The following CCDC138 variants were observed in gnomAD, a reference collection of about 807,000 sequenced individuals.
The protein encoded by CCDC138 is coiled-coil domain containing 138, also known as coiled-coil domain-containing protein 138.
CCDC138 carries 66 observed loss-of-function variants against 82.3 expected under a neutral mutation model. The observed-to-expected ratio is 0.80, with a 90% CI of 0.66 to 0.98. CCDC138 has a LOEUF of 0.98. CCDC138 is among the 50% of genes least tolerant of loss of function. CCDC138 has a pLI of 0.00. For synonymous variants in CCDC138, 297 were observed against 265.4 expected (o/e 1.12, Z -1.16); for missense variants, 816 against 758.9 (o/e 1.08, Z -0.88).
At chr2:108,806,219 T>C (rs975926558) in intron 7 of CCDC138, among the ~76,000 whole-genome samples, 13 of 152,206 alleles carry the variant, frequency 8.5e-5, no homozygotes, top group African/African-American at 2.7e-4. Context: ...TCCCACTTTA[T>C]CCATGGAGAG....
At chr2:108,866,028 G>A (rs1002209697) in intron 13 of CCDC138, among the ~76,000 whole-genome samples, 3 of 152,166 alleles carry the variant, frequency 2.0e-5, no homozygotes, top group Non-Finnish European at 4.4e-5. Flanking sequence ...TTATGGAGCT[G>A]TGCAAGAGGA....
chr2:108,788,889 A>G lies in CCDC138; in HGVS notation c.189A>G (p.Ser63=). The change falls in exon 3 of 15, where the codon TCA becomes TCG. Residue 63 remains serine, a synonymous_variant. Coordinates refer to ENST00000295124, the MANE Select transcript of CCDC138 (RefSeq NM_144978.3). ...LDIYSGDKVG[S]SLKYSDESKH... is the part of the protein sequence containing the mutation. ...TCTACTCTGGAGATAAAGTTGGTTC[A>G]TCGTTAAAATATTCTGATGAAAGCA... 6.2e-7 allele frequency: 1 copy of G among 1,614,132 alleles called. No individual in the cohort carries two copies. Among genetic ancestry groups the G allele is most frequent in the South Asian group, 1.1e-5 (1 of 91,086 alleles).
chr2:108,849,336 T>G (rs1171398144), intron 12 of CCDC138, among the ~76,000 whole-genome samples: 1 of 152,160 alleles, frequency 6.6e-6, no homozygotes, highest in East Asian at 1.9e-4. Flanking sequence ...GTGAAAACTA[T>G]AAACACACAA....
At chr2:108,862,028 T>G (rs1489506891) in intron 13 of CCDC138, among the ~76,000 whole-genome samples, 1 of 151,978 alleles carries the variant, frequency 6.6e-6, no homozygotes, top group African/African-American at 2.4e-5. Context: ...TTGTATTGGT[T>G]TCTATTTTTA....
At chr2:108,862,261 G>A (rs915997231) in intron 13 of CCDC138, among the ~76,000 whole-genome samples, 1 of 151,934 alleles carries the variant, frequency 6.6e-6, no homozygotes, top group African/African-American at 2.4e-5. Flanking sequence ...TTTACAAATG[G>A]GTTATCTTAC....
intron 1 of CCDC138, 142 bp downstream of exon 1, chr2:108,787,057 C>T (rs887536702): frequency 1.1e-5 from 5 of 441,204 alleles, no homozygotes; most frequent in Non-Finnish European, 1.9e-5. Context: ...GCTTGGGCCT[C>T]GTGGAAGCAG....
In CCDC138 at chr2:108,798,816, TAC is replaced by T. The variant is rs61201793; in HGVS notation, c.735+266_735+267del. ...TTCCCTTCCTCCTCCTCTCCACACC[TAC>T]ACACACACACACACACACACACACA... On this transcript the variant is annotated intron_variant, in intron 6 of 14. Coordinates refer to ENST00000295124, the MANE Select transcript of CCDC138 (RefSeq NM_144978.3). Among the ~76,000 whole-genome samples the T allele has an allele frequency of 9.8e-3, 1,286 of 131,566 alleles. 7 individuals carry two copies. Among genetic ancestry groups the T allele is most frequent in the African/African-American group, 0.016 (565 of 35,534 alleles). 86.3% of individuals were successfully genotyped at this position (131,566 alleles called of 152,430 possible).
At chr2:108,875,653 T>C (rs755960636) in intron 14 of CCDC138, among the ~76,000 whole-genome samples, 23 of 152,074 alleles carry the variant, frequency 1.5e-4, no homozygotes, top group Non-Finnish European at 2.9e-4. Flanking sequence ...AGCCCAGAAG[T>C]TCAAGACCAG....
At chr2:108,823,255 A>G (rs1212505303) in intron 10 of CCDC138, among the ~76,000 whole-genome samples, 1 of 152,218 alleles carries the variant, frequency 6.6e-6, no homozygotes, top group Admixed American at 6.5e-5. Context: ...CTTCGAAAAA[A>G]TTGAAAGGGA....
intron 12 of CCDC138, among the ~76,000 whole-genome samples, chr2:108,848,997 A>G (rs1348085892): frequency 6.6e-6 from 1 of 152,196 alleles, no homozygotes; most frequent in Non-Finnish European, 1.5e-5. Flanking sequence ...GGTAAAGGAA[A>G]ACATGAGCCT....
chr2:108,842,084 C>G lies in CCDC138; in HGVS notation c.1323+2783C>G, dbSNP rs183932424. On this transcript the variant is annotated intron_variant, in intron 11 of 14. Coordinates refer to ENST00000295124, the MANE Select transcript of CCDC138 (RefSeq NM_144978.3). ...TCACTCTGTTGCTCAGGCAGGAGTG[C>G]AGTGATGATCATAGATCACTGCAGC... Among the ~76,000 whole-genome samples the G allele has an allele frequency of 6.9e-3, 1,054 of 152,196 alleles. 6 individuals carry two copies. The highest frequency in any genetic ancestry group is 0.012 in the Non-Finnish European group (794 of 68,026).
At chr2:108,815,548 C>G (rs1684643714) in intron 9 of CCDC138, among the ~76,000 whole-genome samples, 1 of 142,390 alleles carries the variant, frequency 7.0e-6, no homozygotes, top group Non-Finnish European at 1.5e-5. Flanking sequence ...CTCACTGCAG[C>G]CTCCACCTCC....
intron 13 of CCDC138, among the ~76,000 whole-genome samples, chr2:108,868,308 G>A (rs1262187782): frequency 2.0e-5 from 3 of 152,146 alleles, no homozygotes; most frequent in Admixed American, 6.5e-5. Flanking sequence ...ATTACTGAAA[G>A]TAACTTGTAG....
chr2:108,854,673 T>A (rs1364748891), intron 12 of CCDC138, among the ~76,000 whole-genome samples: 1 of 152,184 alleles, frequency 6.6e-6, no homozygotes, highest in Non-Finnish European at 1.5e-5. Flanking sequence ...GTTGGTAATT[T>A]GGGCTCAGCT....
At chr2:108,815,469 T>TG (rs1684612061) in intron 9 of CCDC138, among the ~76,000 whole-genome samples, 3 of 136,786 alleles carry the variant, frequency 2.2e-5, no homozygotes, top group African/African-American at 5.7e-5. Flanking sequence ...GTGTTTTTTT[T>TG]TTTTTTTTTT....
At chr2:108,791,450 A>G in intron 3 of CCDC138, 2 of 520,398 alleles carry the variant, frequency 3.8e-6, no homozygotes, top group South Asian at 1.7e-5. Context: ...GTCATTTTAA[A>G]TTAAGTCTAT....
chr2:108,868,042 G>C (rs189764950), intron 13 of CCDC138, among the ~76,000 whole-genome samples: 4 of 152,258 alleles, frequency 2.6e-5, no homozygotes, highest in African/African-American at 9.6e-5. Flanking sequence ...GTCAGTTATC[G>C]ACAGGCTGAT....
intron 1 of CCDC138, 109 bp downstream of exon 1, chr2:108,787,024 C>G (rs879762784): frequency 6.8e-6 from 4 of 591,984 alleles, no homozygotes; most frequent in Non-Finnish European, 1.0e-5. Context: ...GGTCCCGGCC[C>G]CGGCACTCCC....
At position 108,839,075 on chromosome 2, in the gene CCDC138, CTT is replaced by C. The variant is rs764812514; in HGVS notation, c.1207-107_1207-106del. 2.3e-5 allele frequency: 27 copies of C among 1,187,360 alleles called. No individual in the cohort carries two copies. In the South Asian group the frequency reaches 2.7e-4, roughly 12 times the overall value. The allele number at this position is 1,187,360 out of a possible 1,614,324, so 73.6% of individuals were successfully genotyped here. A position where few individuals can be genotyped will look rare whatever the true frequency, so the allele number is the denominator to read the frequency against. On this transcript the variant is annotated intron_variant, in intron 10 of 14. Coordinates refer to ENST00000295124, the MANE Select transcript of CCDC138 (RefSeq NM_144978.3). ...AGTGAAGGTTTTTTGTTGGAGAACT[CTT>C]TTGTTTTGTTTTGTTTTTAAAGATA... is the stretch of plus-strand genomic sequence containing the variant.
Sources: allele counts gnomAD v4.1 joint callset (sites outside exome capture counted in the v4.1 genomes callset), GRCh38; gene constraint gnomAD v4.1.1; transcripts MANE v1.5; gene names NCBI Gene and HGNC (gene_info 2026-07-23, HGNC 2026-07-21).